Variants in PGBD2 observed in about 807,000 individuals in gnomAD.
PGBD2 encodes piggyBac transposable element derived 2.
PGBD2 carries 6 observed loss-of-function variants against 8.1 expected under a neutral mutation model. That is an observed-to-expected ratio of 0.74 (90% CI 0.40 to 1.46). PGBD2 has a LOEUF of 1.46. PGBD2 is among the 40% of genes most tolerant of loss of function. The pLI is 0.02. For missense variants in PGBD2, 802 were observed against 739.0 expected, an observed-to-expected ratio of 1.09 and a Z score of -0.99; for synonymous variants, 318 against 272.2, an observed-to-expected ratio of 1.17 and a Z score of -1.66.
chr1:248,907,182 G>T (rs1028560020), intron 1 of PGBD2, among the ~76,000 whole-genome samples: 2 of 152,218 alleles, frequency 1.3e-5, no homozygotes, highest in African/African-American at 4.8e-5. Flanking sequence ...GTGAGCAAAA[G>T]AATTTATGTC....
chr1:248,875,338 AAAAG>A, the PGBD2 span, among the ~76,000 whole-genome samples: 22 of 140,708 alleles, frequency 1.6e-4, no homozygotes, highest in South Asian at 1.2e-3. Context: ...AGAAAAGAAA[AAAAG>A]AAAGAAAGTT....
downstream of PGBD2, among the ~76,000 whole-genome samples, chr1:248,922,415 G>T (rs1356398150): frequency 6.6e-6 from 1 of 152,138 alleles, no homozygotes; most frequent in Non-Finnish European, 1.5e-5. Flanking sequence ...GAGACCATTT[G>T]ACTTCCTCTC....
chr1:248,915,382 C>G (rs1662060749), intron 2 of PGBD2, among the ~76,000 whole-genome samples: 1 of 152,212 alleles, frequency 6.6e-6, no homozygotes, highest in South Asian at 2.1e-4. Context: ...CTCTGTTTTT[C>G]ACTTTCAGTC....
At chr1:248,899,515 C>T in the PGBD2 span, among the ~76,000 whole-genome samples, 1 of 151,984 alleles carries the variant, frequency 6.6e-6, no homozygotes, top group Admixed American at 6.6e-5. Flanking sequence ...AATAATAAGG[C>T]AGAAATCAAG....
the PGBD2 span, among the ~76,000 whole-genome samples, chr1:248,879,458 G>A: frequency 6.6e-6 from 1 of 152,166 alleles, no homozygotes; most frequent in Admixed American, 6.5e-5. Flanking sequence ...GTAGTGGCGT[G>A]ATCTCAGCTC....
the PGBD2 span, among the ~76,000 whole-genome samples, chr1:248,877,500 TC>T: frequency 0.017 from 2,599 of 152,138 alleles, 71 homozygotes; most frequent in African/African-American, 0.059. Flanking sequence ...AGACCCAGCC[TC>T]CCAATGCCGT....
intron 1 of PGBD2, among the ~76,000 whole-genome samples, chr1:248,911,119 C>CT (rs561179505): frequency 1.0e-3 from 148 of 147,418 alleles, no homozygotes; most frequent in African/African-American, 2.0e-3. Flanking sequence ...CTTTTCTTTT[C>CT]TTTTTTTTTT....
chr1:248,892,626 A>G, the PGBD2 span, among the ~76,000 whole-genome samples: 1 of 152,184 alleles, frequency 6.6e-6, no homozygotes, highest in Non-Finnish European at 1.5e-5. Context: ...GGCATAATAT[A>G]TTTAGAGGGT....
chr1:248,877,827 T>C, the PGBD2 span, among the ~76,000 whole-genome samples: 1 of 152,202 alleles, frequency 6.6e-6, no homozygotes, highest in African/African-American at 2.4e-5. Flanking sequence ...GTGAATAAAG[T>C]ATTTAATTAT....
upstream of PGBD2, among the ~76,000 whole-genome samples, chr1:248,902,329 A>T (rs1437600696): frequency 2.0e-5 from 3 of 151,912 alleles, no homozygotes; most frequent in East Asian, 5.8e-4. Flanking sequence ...GTCAGTTATT[A>T]AAAAGTCAAG....
the PGBD2 span, among the ~76,000 whole-genome samples, chr1:248,898,878 C>A: frequency 6.6e-6 from 1 of 152,132 alleles, no homozygotes; most frequent in African/African-American, 2.4e-5. Context: ...CATGCAGAGA[C>A]ACAAATAGGC....
At chr1:248,884,218 CTG>C in the PGBD2 span, among the ~76,000 whole-genome samples, 1 of 152,126 alleles carries the variant, frequency 6.6e-6, no homozygotes, top group African/African-American at 2.4e-5. Flanking sequence ...AAACCAAACT[CTG>C]TAAAATATTT....
At chr1:248,875,023 C>T in the PGBD2 span, among the ~76,000 whole-genome samples, 4 of 152,060 alleles carry the variant, frequency 2.6e-5, no homozygotes, top group Non-Finnish European at 4.4e-5. Context: ...TATGGCCTGG[C>T]GCGGTGGCTG....
chr1:248,905,263 G>A (rs954872488), upstream of PGBD2, among the ~76,000 whole-genome samples: 2 of 151,782 alleles, frequency 1.3e-5, no homozygotes, highest in Admixed American at 1.3e-4. Context: ...TCAGTGTGGA[G>A]AAGCAAATAC....
chr1:248,916,046 G>A (rs529068142), intron 2 of PGBD2, among the ~76,000 whole-genome samples: 6 of 152,228 alleles, frequency 3.9e-5, no homozygotes, highest in South Asian at 4.1e-4. Flanking sequence ...AGAGTACATC[G>A]TTTAAGAAGG....
At chr1:248,914,539 A>G in intron 2 of PGBD2, 1 of 1,289,234 alleles carries the variant, frequency 7.8e-7, no homozygotes. Flanking sequence ...ATGCAGCCTG[A>G]ACTCCAAAGT....
At chr1:248,911,664 A>G (rs1347782449) in intron 1 of PGBD2, among the ~76,000 whole-genome samples, 1 of 148,002 alleles carries the variant, frequency 6.8e-6, no homozygotes, top group East Asian at 1.9e-4. Context: ...CTGGCCGGGC[A>G]GAGGGGCTCC....
At chr1:248,884,729 A>G in the PGBD2 span, among the ~76,000 whole-genome samples, 1 of 152,238 alleles carries the variant, frequency 6.6e-6, no homozygotes, top group Non-Finnish European at 1.5e-5. Context: ...GGTTATAGAT[A>G]GATTCAGAGA....
chr1:248,917,894 A>G lies in PGBD2; in HGVS notation c.1310A>G (p.His437Arg). The change falls in exon 3 of 3, where the codon CAC becomes CGC. Residue 437 changes from histidine to arginine, a missense_variant. His to Arg is a conservative substitution (Grantham distance 29). Transcript: ENST00000329291. ...GAGCCAGTGAGGCTGACCAGTCGTC[A>G]CTCTGGAGCAGCTAAAACGCGGACT... ...GIEPVRLTSR[H>R]SGAAKTRTQV... 2 of 1,614,216 alleles carry G rather than the reference A, an allele frequency of 1.2e-6. No individual in the cohort carries two copies. Among genetic ancestry groups the G allele is most frequent in the Non-Finnish European group, 1.7e-6 (2 of 1,180,042 alleles).
Sources: gnomAD v4.1 joint callset for allele counts (sites outside exome capture counted in the v4.1 genomes callset) on GRCh38, gnomAD v4.1.1 for gene constraint, MANE v1.5 for transcripts, NCBI Gene and HGNC (gene_info 2026-07-23, HGNC 2026-07-21) for gene names.